CD1B: variants seen among roughly 807,000 people sequenced by gnomAD.
The protein encoded by CD1B is CD1b molecule.
A neutral mutation model predicts 39.8 loss-of-function variants in CD1B; 43 were observed. The observed-to-expected ratio is 1.08, with a 90% CI of 0.85 to 1.39. The LOEUF (loss-of-function observed/expected upper bound fraction) is 1.39, where lower values mean the gene tolerates loss of function less well. Among genes scored for constraint, CD1B ranks in the 40% most tolerant of loss-of-function variants. The probability of loss-of-function intolerance (pLI) is 0.00; values close to 1 mark genes in which losing one functional copy is unlikely to be tolerated. For missense variants in CD1B, 495 were observed against 403.8 expected (o/e 1.23, Z -1.94); for synonymous variants, 192 against 152.5 (o/e 1.26, Z -1.91).
At chr1:158,289,307 T>C in the CD1B span, among the ~76,000 whole-genome samples, 1 of 152,242 alleles carries the variant, frequency 6.6e-6, no homozygotes, top group South Asian at 2.1e-4. Flanking sequence ...CCATGTACTA[T>C]GTAATTTTTT....
the CD1B span, chr1:158,291,398 A>T: frequency 6.2e-7 from 1 of 1,613,160 alleles, no homozygotes; most frequent in Non-Finnish European, 8.5e-7. Context: ...GATTACTCGA[A>T]ATGTAAGTTC....
chr1:158,305,090 T>A, the CD1B span, among the ~76,000 whole-genome samples: 1 of 152,150 alleles, frequency 6.6e-6, no homozygotes. Flanking sequence ...GGATGGAGAA[T>A]GACCTTGACG....
At chr1:158,305,093 C>A in the CD1B span, among the ~76,000 whole-genome samples, 1 of 151,170 alleles carries the variant, frequency 6.6e-6, no homozygotes, top group African/African-American at 2.4e-5. Flanking sequence ...TGGAGAATGA[C>A]CTTGACGAGT....
At chr1:158,315,983 A>G in the CD1B span, among the ~76,000 whole-genome samples, 112 of 151,850 alleles carry the variant, frequency 7.4e-4, 4 homozygotes, top group South Asian at 0.023. Context: ...TGTGGCATTA[A>G]TTTTGAGGGC....
At chr1:158,295,285 G>T in the CD1B span, among the ~76,000 whole-genome samples, 1 of 151,974 alleles carries the variant, frequency 6.6e-6, no homozygotes, top group African/African-American at 2.4e-5. Context: ...TGGGCTGAAG[G>T]GGGGAAGAAG....
the CD1B span, among the ~76,000 whole-genome samples, chr1:158,307,825 G>A: frequency 6.6e-6 from 1 of 152,036 alleles, no homozygotes; most frequent in African/African-American, 2.4e-5. Context: ...GGTATTGATG[G>A]GATGTATCTC....
the CD1B span, among the ~76,000 whole-genome samples, chr1:158,288,021 T>C: frequency 1.3e-5 from 2 of 152,290 alleles, no homozygotes; most frequent in East Asian, 1.9e-4. Flanking sequence ...TATTAGGAAA[T>C]AGGACAGTTG....
the CD1B span, chr1:158,289,896 A>C: frequency 1.7e-6 from 1 of 592,200 alleles, no homozygotes; most frequent in Non-Finnish European, 3.0e-6. Flanking sequence ...TGAGAGATTG[A>C]GTAGGAGGAC....
At chr1:158,327,277 C>T (rs574370824), downstream of CD1B, among the ~76,000 whole-genome samples, 72 of 152,268 alleles carry the variant, frequency 4.7e-4, no homozygotes, top group Non-Finnish European at 7.8e-4. Flanking sequence ...TTGCTAGCTA[C>T]AGAAAAGTTA....
chr1:158,321,489 T>G, the CD1B span, among the ~76,000 whole-genome samples: 12 of 152,322 alleles, frequency 7.9e-5, no homozygotes, highest in South Asian at 1.2e-3. Context: ...ATAGGAAAAT[T>G]TAATCCATTT....
intron 2 of CD1B, 104 bp downstream of exon 2, chr1:158,330,692 T>C (rs535796751): frequency 6.9e-6 from 8 of 1,165,736 alleles, no homozygotes; most frequent in Non-Finnish European, 1.0e-5. Flanking sequence ...TGCATTTGGG[T>C]AAAATAGAAA....
the CD1B span, among the ~76,000 whole-genome samples, chr1:158,320,128 C>T: frequency 1.3e-5 from 2 of 152,172 alleles, no homozygotes; most frequent in African/African-American, 4.8e-5. Flanking sequence ...TGTGCCCTGC[C>T]CCCAGAGGTG....
chr1:158,319,438 T>A, the CD1B span, among the ~76,000 whole-genome samples: 1 of 152,244 alleles, frequency 6.6e-6, no homozygotes. Context: ...TGATACCCTT[T>A]CTTCCAGTTG....
At chr1:158,288,447 A>C in the CD1B span, among the ~76,000 whole-genome samples, 3 of 152,268 alleles carry the variant, frequency 2.0e-5, no homozygotes, top group Non-Finnish European at 4.4e-5. Flanking sequence ...GCTGGAGTAC[A>C]GTGACATGAA....
chr1:158,292,908 T>C, the CD1B span: 3 of 1,607,102 alleles, frequency 1.9e-6, no homozygotes, highest in Non-Finnish European at 2.6e-6. Flanking sequence ...AGGTAGGTGG[T>C]TCTTGAGCCT....
At chr1:158,302,134 G>T in the CD1B span, among the ~76,000 whole-genome samples, 1 of 152,020 alleles carries the variant, frequency 6.6e-6, no homozygotes, top group African/African-American at 2.4e-5. Context: ...TCAAGATCAA[G>T]AAGAGCTCTG....
chr1:158,306,831 C>A, the CD1B span, among the ~76,000 whole-genome samples: 15 of 152,176 alleles, frequency 9.9e-5, no homozygotes, highest in Non-Finnish European at 1.8e-4. Context: ...TGAATGACTA[C>A]TGGGTACATA....
the CD1B span, among the ~76,000 whole-genome samples, chr1:158,316,743 A>C: frequency 9.2e-5 from 14 of 151,664 alleles, no homozygotes; most frequent in Middle Eastern, 6.8e-3. Flanking sequence ...GCCAGTTTTC[A>C]AAGTGAATAC....
chr1:158,328,152 G>A lies in CD1B; in HGVS notation c.*84C>T. 1.0e-6 allele frequency: 1 copy of A among 988,594 alleles called. No individual in the cohort carries two copies. The allele number at this position is 988,594 out of a possible 1,614,324, so 61.2% of individuals were successfully genotyped here. On this transcript the variant is annotated 3_prime_UTR_variant, in exon 6 of 6. Coordinates refer to ENST00000368168, the MANE Select transcript of CD1B (RefSeq NM_001764.3). ...ATTTCATCAAATTTGAAAATCATTT[G>A]AAATATGATAAGATTGACTTTTGGG...
Sources: allele counts gnomAD v4.1 joint callset (sites outside exome capture counted in the v4.1 genomes callset), GRCh38; gene constraint gnomAD v4.1.1; transcripts MANE v1.5; gene names NCBI Gene and HGNC (gene_info 2026-07-23, HGNC 2026-07-21).